Variants in CFAP299 observed in about 807,000 individuals in gnomAD.
The protein encoded by CFAP299 is cilia- and flagella-associated protein 299.
Under a neutral mutation model 27.0 loss-of-function variants are expected in CFAP299, and 21 were observed. The observed-to-expected ratio is 0.78, with a 90% CI of 0.55 to 1.12. The LOEUF (loss-of-function observed/expected upper bound fraction) is 1.12, where lower values mean the gene tolerates loss of function less well. Among genes scored for constraint, CFAP299 ranks in the 50% most tolerant of loss-of-function variants. CFAP299 has a pLI of 0.00. For synonymous variants in CFAP299, 104 were observed against 98.1 expected, an observed-to-expected ratio of 1.06 and a Z score of -0.36; for missense variants, 310 against 276.6, an observed-to-expected ratio of 1.12 and a Z score of -0.86.
intron 2 of CFAP299, among the ~76,000 whole-genome samples, chr4:80,558,981 A>C (rs59307054): frequency 0.046 from 6,937 of 152,192 alleles, 557 homozygotes; most frequent in African/African-American, 0.16. Flanking sequence ...TGCTGCAATA[A>C]AACCACCTCA....
intron 3 of CFAP299, among the ~76,000 whole-genome samples, chr4:80,795,373 C>T (rs563210520): frequency 6.6e-6 from 1 of 152,304 alleles, no homozygotes; most frequent in South Asian, 2.1e-4. Flanking sequence ...GAAGTTCTGC[C>T]CACTGGGAAT....
intron 1 of CFAP299, among the ~76,000 whole-genome samples, chr4:80,337,938 AG>A (rs1408322206): frequency 3.3e-5 from 5 of 152,276 alleles, no homozygotes; most frequent in African/African-American, 1.2e-4. Context: ...TTATTTCTAG[AG>A]ATCTACATTC....
At chr4:80,943,391 C>T (rs1396268171) in intron 4 of CFAP299, among the ~76,000 whole-genome samples, 10 of 151,970 alleles carry the variant, frequency 6.6e-5, no homozygotes, top group Non-Finnish European at 1.2e-4. Context: ...AATGATGCCT[C>T]AGAAAACAAT....
chr4:80,622,382 C>G (rs1211757916), intron 3 of CFAP299, among the ~76,000 whole-genome samples: 1 of 152,108 alleles, frequency 6.6e-6, no homozygotes, highest in East Asian at 1.9e-4. Flanking sequence ...TATAACACTA[C>G]TATCTGGACT....
chr4:80,590,377 G>A (rs1448140456), intron 3 of CFAP299, among the ~76,000 whole-genome samples: 1 of 152,114 alleles, frequency 6.6e-6, no homozygotes, highest in Non-Finnish European at 1.5e-5. Context: ...AGTGGCTCAT[G>A]CCTGTAATAC....
intron 1 of CFAP299, among the ~76,000 whole-genome samples, chr4:80,347,440 G>T (rs1295815355): frequency 2.0e-5 from 3 of 151,922 alleles, no homozygotes; most frequent in African/African-American, 7.3e-5. Flanking sequence ...AAAGTCTCAG[G>T]ATACAAAAGC....
At chr4:80,458,464 A>T (rs560793531) in intron 2 of CFAP299, among the ~76,000 whole-genome samples, 1 of 152,218 alleles carries the variant, frequency 6.6e-6, no homozygotes, top group African/African-American at 2.4e-5. Context: ...TTTCTGAAAA[A>T]ATCTTTTTTC....
intron 3 of CFAP299, among the ~76,000 whole-genome samples, chr4:80,849,227 A>C (rs1199068747): frequency 6.6e-6 from 1 of 152,104 alleles, no homozygotes; most frequent in African/African-American, 2.4e-5. Context: ...AAACTAACAC[A>C]AAACTAGCCT....
chr4:80,687,490 G>A (rs886411467), intron 3 of CFAP299, among the ~76,000 whole-genome samples: 1 of 151,914 alleles, frequency 6.6e-6, no homozygotes, highest in African/African-American at 2.4e-5. Flanking sequence ...TTTCAACTGA[G>A]GTGAGCCATT....
intron 3 of CFAP299, among the ~76,000 whole-genome samples, chr4:80,847,071 C>T (rs1356647066): frequency 6.6e-6 from 1 of 152,174 alleles, no homozygotes; most frequent in African/African-American, 2.4e-5. Flanking sequence ...AACCTAGTTT[C>T]CTGCCTGCCA....
At chr4:80,576,286 G>A (rs1735862244) in intron 2 of CFAP299, among the ~76,000 whole-genome samples, 1 of 150,662 alleles carries the variant, frequency 6.6e-6, no homozygotes, top group Admixed American at 6.6e-5. Flanking sequence ...TTTATCTGTG[G>A]AAAGGTAGAA....
At chr4:80,944,480 G>A (rs1327919189) in intron 4 of CFAP299, among the ~76,000 whole-genome samples, 1 of 152,146 alleles carries the variant, frequency 6.6e-6, no homozygotes, top group Admixed American at 6.5e-5. Context: ...TTAATACCCT[G>A]AAGAACCTGA....
chr4:80,338,928 G>A (rs887050211), intron 1 of CFAP299, among the ~76,000 whole-genome samples: 1 of 152,166 alleles, frequency 6.6e-6, no homozygotes, highest in Non-Finnish European at 1.5e-5. Context: ...TATAATCTGT[G>A]CCAGATCCAT....
chr4:80,718,770 G>C (rs1722636721), intron 3 of CFAP299, among the ~76,000 whole-genome samples: 1 of 151,662 alleles, frequency 6.6e-6, no homozygotes, highest in Non-Finnish European at 1.5e-5. Context: ...AGGTGAAAAG[G>C]GAAAAACAAA....
At chr4:80,436,660 A>G (rs1280205982) in intron 2 of CFAP299, among the ~76,000 whole-genome samples, 1 of 152,122 alleles carries the variant, frequency 6.6e-6, no homozygotes, top group Non-Finnish European at 1.5e-5. Flanking sequence ...CTCCATACTA[A>G]ATTTTTTGAA....
intron 2 of CFAP299, among the ~76,000 whole-genome samples, chr4:80,555,261 G>A (rs961759248): frequency 6.6e-6 from 1 of 152,058 alleles, no homozygotes; most frequent in African/African-American, 2.4e-5. Flanking sequence ...TAATCATGTA[G>A]TTTTTGTCTT....
intron 3 of CFAP299, among the ~76,000 whole-genome samples, chr4:80,776,571 C>T (rs1181475071): frequency 6.6e-6 from 1 of 152,044 alleles, no homozygotes; most frequent in African/African-American, 2.4e-5. Flanking sequence ...GAACATCACA[C>T]ACCCGGGCCT....
chr4:80,386,329 C>T, intron 2 of CFAP299: 1 of 1,365,998 alleles, frequency 7.3e-7, no homozygotes, highest in South Asian at 1.2e-5. Context: ...GCACCACCCA[C>T]GACGATGGAA....
At chr4:80,383,482 T>C (rs1436652137) in intron 2 of CFAP299, among the ~76,000 whole-genome samples, 2 of 152,160 alleles carry the variant, frequency 1.3e-5, no homozygotes, top group Admixed American at 6.5e-5. Context: ...CAAGGAATCA[T>C]ATAGTGAGAA....
Sources: gnomAD v4.1 joint callset for allele counts (sites outside exome capture counted in the v4.1 genomes callset) on GRCh38, gnomAD v4.1.1 for gene constraint, MANE v1.5 for transcripts, NCBI Gene and HGNC (gene_info 2026-07-23, HGNC 2026-07-21) for gene names.